Variants in CAMK4 observed in about 807,000 individuals in gnomAD.
The protein encoded by CAMK4 is calcium/calmodulin dependent protein kinase IV.
CAMK4 carries 22 observed loss-of-function variants against 44.9 expected under a neutral mutation model. The observed-to-expected ratio is 0.49, with a 90% confidence interval of 0.35 to 0.70. The LOEUF is 0.70. CAMK4 is among the 30% of genes least tolerant of loss of function. The pLI is 0.01. For missense variants in CAMK4, 498 were observed against 586.8 expected (o/e 0.85, Z 1.56); for synonymous variants, 218 against 215.4 (o/e 1.01, Z -0.11).
intron 1 of CAMK4, among the ~76,000 whole-genome samples, chr5:111,230,851 CTT>C (rs1324773271): frequency 2.0e-5 from 3 of 150,388 alleles, no homozygotes; most frequent in East Asian, 1.9e-4. Context: ...TTTAAAAACT[CTT>C]TTGGGAAAGC....
At chr5:111,366,520 C>A (rs544472786) in intron 2 of CAMK4, among the ~76,000 whole-genome samples, 1 of 152,254 alleles carries the variant, frequency 6.6e-6, no homozygotes, top group East Asian at 1.9e-4. Flanking sequence ...TTTGTAATTA[C>A]CACAAAGCAG....
chr5:111,471,275 G>T (rs1443320636), intron 7 of CAMK4, among the ~76,000 whole-genome samples: 1 of 152,210 alleles, frequency 6.6e-6, no homozygotes, highest in East Asian at 1.9e-4. Flanking sequence ...ACAGATGTCT[G>T]TGATGTTGAC....
At chr5:111,446,889 G>A (rs1370533716) in intron 6 of CAMK4, 113 bp downstream of exon 6, 3 of 735,224 alleles carry the variant, frequency 4.1e-6, no homozygotes, top group African/African-American at 3.5e-5. Context: ...CAGTTTTCCT[G>A]AATAATTGAC....
chr5:111,420,470 C>T lies in CAMK4; in HGVS notation c.459+25688C>T, dbSNP rs913494548. 9.2e-5 allele frequency among the ~76,000 whole-genome samples: 14 copies of T among 152,236 alleles called. 1 individual carries two copies. In the East Asian group the frequency reaches 1.3e-3, roughly 15 times the overall value. Reference sequence around the variant, plus strand: ...TAATTGCCCTGGTCAGAACTTCCAACACTATATTGAATAGGAGTGGTGAGA... The same window carrying T: ...TAATTGCCCTGGTCAGAACTTCCAATACTATATTGAATAGGAGTGGTGAGA... On this transcript the variant is annotated intron_variant, in intron 5 of 10. Transcript: ENST00000282356.
At chr5:111,244,848 G>A (rs1202806492) in intron 1 of CAMK4, among the ~76,000 whole-genome samples, 3 of 151,974 alleles carry the variant, frequency 2.0e-5, no homozygotes, top group Non-Finnish European at 4.4e-5. Flanking sequence ...GTGACAGAGC[G>A]AGATTCTGTC....
At chr5:111,402,224 A>T (rs1397379900) in intron 5 of CAMK4, among the ~76,000 whole-genome samples, 4 of 152,252 alleles carry the variant, frequency 2.6e-5, no homozygotes, top group African/African-American at 9.6e-5. Flanking sequence ...CTGGAGAAGG[A>T]AAAATGTGGC....
chr5:111,288,336 G>A (rs1189123136), intron 1 of CAMK4, among the ~76,000 whole-genome samples: 1 of 152,130 alleles, frequency 6.6e-6, no homozygotes, highest in East Asian at 1.9e-4. Flanking sequence ...ATTGGAAGAG[G>A]ATTGGTGCTC....
chr5:111,450,785 T>C (rs1259595489), intron 7 of CAMK4, among the ~76,000 whole-genome samples: 11 of 150,938 alleles, frequency 7.3e-5, no homozygotes, highest in Admixed American at 6.6e-4. Context: ...TGAAACTCCA[T>C]CTCAAAAATA....
At chr5:111,386,574 C>T (rs1159087286) in intron 4 of CAMK4, among the ~76,000 whole-genome samples, 2 of 152,148 alleles carry the variant, frequency 1.3e-5, no homozygotes, top group Non-Finnish European at 2.9e-5. Context: ...CAATTTGTGG[C>T]AATTAGTGTT....
chr5:111,250,024 A>G (rs1246820517), intron 1 of CAMK4, among the ~76,000 whole-genome samples: 3 of 152,088 alleles, frequency 2.0e-5, no homozygotes, highest in Non-Finnish European at 2.9e-5. Flanking sequence ...TAACCTGGCC[A>G]TTTCATACAG....
intron 10 of CAMK4, among the ~76,000 whole-genome samples, chr5:111,483,404 T>C (rs1755499839): frequency 6.6e-6 from 1 of 152,184 alleles, no homozygotes; most frequent in South Asian, 2.1e-4. Context: ...TATATCATTT[T>C]ATATAGTACC....
At chr5:111,250,881 C>G (rs1174571013) in intron 1 of CAMK4, among the ~76,000 whole-genome samples, 1 of 152,126 alleles carries the variant, frequency 6.6e-6, no homozygotes, top group Non-Finnish European at 1.5e-5. Context: ...GGCCTCAAGC[C>G]ACCCTCTTAT....
chr5:111,357,730 A>G (rs1336967148), intron 2 of CAMK4, among the ~76,000 whole-genome samples: 3 of 152,100 alleles, frequency 2.0e-5, no homozygotes, highest in Non-Finnish European at 1.5e-5. Context: ...ACAACTCACC[A>G]TATGTCATGT....
At chr5:111,381,990 C>T (rs552708271) in intron 4 of CAMK4, among the ~76,000 whole-genome samples, 3 of 152,230 alleles carry the variant, frequency 2.0e-5, no homozygotes, top group Admixed American at 1.3e-4. Context: ...CCAATCCTTT[C>T]CTTCTTTTAG....
intron 5 of CAMK4, among the ~76,000 whole-genome samples, chr5:111,419,743 C>G (rs1463663593): frequency 6.6e-6 from 1 of 152,042 alleles, no homozygotes; most frequent in African/African-American, 2.4e-5. Context: ...TGTCAAAGAT[C>G]AGATGGTTGT....
chr5:111,442,782 CTTA>C (rs1429870737), intron 5 of CAMK4, among the ~76,000 whole-genome samples: 4 of 147,966 alleles, frequency 2.7e-5, no homozygotes, highest in African/African-American at 7.4e-5. Context: ...TATTATATAT[CTTA>C]TTAACATAAT....
chr5:111,273,760 C>A (rs13185544), intron 1 of CAMK4, among the ~76,000 whole-genome samples: 3 of 141,670 alleles, frequency 2.1e-5, no homozygotes, highest in Non-Finnish European at 4.6e-5. Context: ...CACACACATA[C>A]ACACACACAT....
chr5:111,288,871 A>C (rs73786875), intron 1 of CAMK4, among the ~76,000 whole-genome samples: 2,622 of 152,340 alleles, frequency 0.017, 83 homozygotes, highest in African/African-American at 0.06. Context: ...AGGTCAGTAA[A>C]CTACCTCAAG....
chr5:111,427,200 C>G (rs1753258040), intron 5 of CAMK4, among the ~76,000 whole-genome samples: 1 of 152,108 alleles, frequency 6.6e-6, no homozygotes, highest in East Asian at 1.9e-4. Context: ...TGTGAGGTCC[C>G]CATTCCAGGC....
Sources: allele counts gnomAD v4.1 joint callset (sites outside exome capture counted in the v4.1 genomes callset), GRCh38; gene constraint gnomAD v4.1.1; transcripts MANE v1.5; gene names NCBI Gene and HGNC (gene_info 2026-07-23, HGNC 2026-07-21).